The following SMAD9 variants were observed in gnomAD, a reference collection of about 807,000 sequenced individuals.
The protein encoded by SMAD9 is MAD homolog 9.
Under a neutral mutation model 46.1 loss-of-function variants are expected in SMAD9, and 36 were observed. The observed-to-expected ratio is 0.78, with a 90% CI of 0.60 to 1.03. SMAD9 has a LOEUF of 1.03. Ranked by LOEUF, SMAD9 falls within the 50% of genes least tolerant of loss-of-function variation. The probability of loss-of-function intolerance (pLI) is 0.00; values close to 1 mark genes in which losing one functional copy is unlikely to be tolerated. For missense variants in SMAD9, 572 were observed against 599.8 expected, an observed-to-expected ratio of 0.95 and a Z score of 0.48; for synonymous variants, 245 against 237.1, an observed-to-expected ratio of 1.03 and a Z score of -0.31.
At chr13:36,890,194 T>C (rs1198729276) in intron 1 of SMAD9, among the ~76,000 whole-genome samples, 2 of 152,212 alleles carry the variant, frequency 1.3e-5, no homozygotes, top group African/African-American at 4.8e-5. Flanking sequence ...AGAAAAAATC[T>C]ATACCCTTTA....
chr13:36,874,966 A>T (rs978901753), intron 2 of SMAD9, among the ~76,000 whole-genome samples: 5 of 151,534 alleles, frequency 3.3e-5, no homozygotes, highest in African/African-American at 1.2e-4. Context: ...ACATTATCTA[A>T]AAGGTGATAA....
chr13:36,896,949 C>T (rs982266406), intron 1 of SMAD9, among the ~76,000 whole-genome samples: 3 of 151,750 alleles, frequency 2.0e-5, no homozygotes, highest in African/African-American at 7.3e-5. Context: ...TTGAACTTTA[C>T]TTGCAATACT....
In SMAD9 at chr13:36,900,485, T is replaced by C. The variant is rs111751576; in HGVS notation, c.-187+19631A>G. Among the ~76,000 whole-genome samples the C allele has an allele frequency of 2.0e-3, 307 of 152,184 alleles. 2 individuals carry two copies. The highest frequency in any genetic ancestry group is 6.7e-3 in the African/African-American group (278 of 41,504). On this transcript the variant is annotated intron_variant, in intron 1 of 6. Transcript: ENST00000379826. ...TAGTAGAGATGGGGTTTCACCATGTTGGTCAGGCTGGTCTTGAACTCCTGA... is the reference window on the plus strand; with the variant it reads ...TAGTAGAGATGGGGTTTCACCATGTCGGTCAGGCTGGTCTTGAACTCCTGA...
chr13:36,855,431 G>T (rs1387621625), intron 5 of SMAD9, among the ~76,000 whole-genome samples: 1 of 151,974 alleles, frequency 6.6e-6, no homozygotes, highest in East Asian at 1.9e-4. Flanking sequence ...CTAGTCTAGT[G>T]AATATTAAAT....
At chr13:36,913,544 G>T (rs2058677027) in intron 1 of SMAD9, among the ~76,000 whole-genome samples, 1 of 152,078 alleles carries the variant, frequency 6.6e-6, no homozygotes. Context: ...AGTGTATTTA[G>T]AATATCTTGT....
chr13:36,887,214 C>CTTT (rs34299786), intron 1 of SMAD9, among the ~76,000 whole-genome samples: 12 of 65,566 alleles, frequency 1.8e-4, no homozygotes, highest in African/African-American at 2.2e-4. Flanking sequence ...CTGACTAGAT[C>CTTT]TTTTTTTTTT....
intron 5 of SMAD9, among the ~76,000 whole-genome samples, chr13:36,864,900 C>G (rs897276428): frequency 2.0e-5 from 3 of 152,106 alleles, no homozygotes; most frequent in Non-Finnish European, 4.4e-5. Context: ...ACCAACTATT[C>G]CAATAGAAAA....
intron 1 of SMAD9, among the ~76,000 whole-genome samples, chr13:36,894,603 T>C (rs1007782150): frequency 6.6e-6 from 1 of 152,182 alleles, no homozygotes; most frequent in African/African-American, 2.4e-5. Context: ...AGAAACTCTT[T>C]CCTGGCTCCG....
intron 1 of SMAD9, among the ~76,000 whole-genome samples, chr13:36,899,516 G>A (rs1286741152): frequency 2.0e-5 from 3 of 152,224 alleles, no homozygotes; most frequent in Non-Finnish European, 2.9e-5. Context: ...TTGGGCACCT[G>A]AGCATGCCAT....
At chr13:36,901,261 ACAT>A (rs1374484309) in intron 1 of SMAD9, among the ~76,000 whole-genome samples, 1 of 152,166 alleles carries the variant, frequency 6.6e-6, no homozygotes, top group African/African-American at 2.4e-5. Context: ...ACTATTTTCC[ACAT>A]CATCTGAACC....
chr13:36,873,978 A>C lies in SMAD9; in HGVS notation c.413-1063T>G, dbSNP rs553887087. Among the ~76,000 whole-genome samples the C allele has an allele frequency of 4.6e-5, 7 of 152,368 alleles. No homozygotes were observed. In the East Asian group the frequency reaches 1.2e-3, roughly 25 times the overall value. ...TTACTGTTCTTGATTCTGATTATACACAAAATTTCAGAATAAATTCAAATT... is the reference window on the plus strand; with the variant it reads ...TTACTGTTCTTGATTCTGATTATACCCAAAATTTCAGAATAAATTCAAATT... On this transcript the variant is annotated intron_variant, in intron 2 of 6. Coordinates refer to ENST00000379826, the MANE Select transcript of SMAD9 (RefSeq NM_001127217.3).
intron 1 of SMAD9, among the ~76,000 whole-genome samples, chr13:36,916,978 G>A (rs1405294500): frequency 6.6e-6 from 1 of 151,992 alleles, no homozygotes; most frequent in African/African-American, 2.4e-5. Flanking sequence ...GCATAAAATA[G>A]GGAAAGACCG....
In SMAD9 at chr13:36,888,855, G is replaced by T. The variant is rs886757142; in HGVS notation, c.-186-8980C>A. 4.6e-5 allele frequency among the ~76,000 whole-genome samples: 7 copies of T among 152,216 alleles called. No individual in the cohort carries two copies. The East Asian group carries it at 1.4e-3, about 29-fold the overall frequency. ...TCCTTTGAACCCTTTTAATATAATAGCTTAGAGAGGAAGGGAAAACACTTT... is the reference window on the plus strand; with the variant it reads ...TCCTTTGAACCCTTTTAATATAATATCTTAGAGAGGAAGGGAAAACACTTT... On this transcript the variant is annotated intron_variant, in intron 1 of 6. Coordinates refer to ENST00000379826, the MANE Select transcript of SMAD9 (RefSeq NM_001127217.3).
upstream of SMAD9, among the ~76,000 whole-genome samples, chr13:36,920,453 C>G (rs2058737402): frequency 6.6e-6 from 1 of 150,912 alleles, no homozygotes; most frequent in African/African-American, 2.5e-5. Flanking sequence ...CGGGGTAGTA[C>G]TCCTCGCAGC....
intron 1 of SMAD9, among the ~76,000 whole-genome samples, chr13:36,891,089 T>C (rs971110992): frequency 5.3e-5 from 8 of 152,128 alleles, no homozygotes; most frequent in African/African-American, 1.9e-4. Flanking sequence ...CTTTTCCTCC[T>C]TCCCGCTTTG....
Position 36,847,591 on chromosome 13 carries a change from C to T in SMAD9, c.*1085G>A, listed in dbSNP as rs1227247949. Reference sequence around the variant, plus strand: ...TCACTAGACACTAGGTTAAATAACTCATTGATCCAATAATGTGTCTAGATT... The same window carrying T: ...TCACTAGACACTAGGTTAAATAACTTATTGATCCAATAATGTGTCTAGATT... On this transcript the variant is annotated 3_prime_UTR_variant, in exon 7 of 7. Transcript: ENST00000379826. 6.6e-6 allele frequency: 1 copy of T among 152,186 alleles called. No homozygotes were observed. The allele number at this position is 152,186 out of a possible 1,614,324, so 9.4% of individuals were successfully genotyped here.
At chr13:36,863,876 G>A (rs2058207129) in intron 5 of SMAD9, among the ~76,000 whole-genome samples, 1 of 152,106 alleles carries the variant, frequency 6.6e-6, no homozygotes, top group Non-Finnish European at 1.5e-5. Flanking sequence ...CCAGTCTCAG[G>A]TATTCCTTTA....
At chr13:36,887,045 T>G (rs1222248834) in intron 1 of SMAD9, among the ~76,000 whole-genome samples, 1 of 124,606 alleles carries the variant, frequency 8.0e-6, no homozygotes, top group Non-Finnish European at 1.6e-5. Context: ...AATGGGTTTT[T>G]TTTTTTTTTT....
intron 1 of SMAD9, among the ~76,000 whole-genome samples, chr13:36,903,419 C>A (rs2058594374): frequency 1.3e-5 from 2 of 152,144 alleles, no homozygotes; most frequent in South Asian, 4.1e-4. Flanking sequence ...GCCACCACAC[C>A]CGGCCTGGAG....
Sources: allele counts gnomAD v4.1 joint callset (sites outside exome capture counted in the v4.1 genomes callset), GRCh38; gene constraint gnomAD v4.1.1; transcripts MANE v1.5; gene names NCBI Gene and HGNC (gene_info 2026-07-23, HGNC 2026-07-21).